The following RPS6KC1 variants were observed in gnomAD, a reference collection of about 807,000 sequenced individuals.
RPS6KC1 encodes ribosomal protein S6 kinase C1, also known as inactive ribosomal protein S6 kinase delta-1.
Under a neutral mutation model 103.8 loss-of-function variants are expected in RPS6KC1, and 54 were observed. The observed-to-expected ratio is 0.52, with a 90% CI of 0.42 to 0.65. RPS6KC1 has a LOEUF of 0.65. Among genes scored for constraint, RPS6KC1 ranks in the 30% least tolerant of loss-of-function variants. The pLI is 0.00. For synonymous variants in RPS6KC1, 439 were observed against 438.7 expected, an observed-to-expected ratio of 1.00 and a Z score of -0.01; for missense variants, 1,151 against 1,253.8, an observed-to-expected ratio of 0.92 and a Z score of 1.24.
chr1:213,067,946 CTAAGAAA>C (rs1052594102), intron 1 of RPS6KC1, among the ~76,000 whole-genome samples: 12 of 152,028 alleles, frequency 7.9e-5, no homozygotes, highest in Admixed American at 7.2e-4. Flanking sequence ...GTACACCAAA[CTAAGAAA>C]TAAGTTATTC....
the RPS6KC1 span, among the ~76,000 whole-genome samples, chr1:213,302,405 T>C: frequency 1.3e-5 from 2 of 152,082 alleles, no homozygotes; most frequent in African/African-American, 4.8e-5. Context: ...CTCACACCCA[T>C]AATCGCAACA....
the RPS6KC1 span, among the ~76,000 whole-genome samples, chr1:213,666,574 A>G: frequency 6.6e-6 from 1 of 152,372 alleles, no homozygotes; most frequent in African/African-American, 2.4e-5. Flanking sequence ...TATAAAAACT[A>G]GTTTTTCTGT....
At chr1:213,243,024 C>A (rs114998235) in intron 12 of RPS6KC1, among the ~76,000 whole-genome samples, 1 of 151,852 alleles carries the variant, frequency 6.6e-6, no homozygotes. Flanking sequence ...TGAGACATAC[C>A]TCACTCTGTC....
At chr1:213,307,379 T>C in the RPS6KC1 span, among the ~76,000 whole-genome samples, 1 of 152,116 alleles carries the variant, frequency 6.6e-6, no homozygotes, top group Admixed American at 6.6e-5. Flanking sequence ...GGTTTTCCTC[T>C]TGTCAGGATG....
chr1:213,757,577 T>C, the RPS6KC1 span, among the ~76,000 whole-genome samples: 1 of 152,234 alleles, frequency 6.6e-6, no homozygotes. Flanking sequence ...GCTGTCTCCA[T>C]AATATAAAAA....
the RPS6KC1 span, among the ~76,000 whole-genome samples, chr1:213,616,003 C>A: frequency 6.6e-6 from 1 of 152,198 alleles, no homozygotes; most frequent in African/African-American, 2.4e-5. Context: ...TGGGCAAAAC[C>A]CCTCATGGGG....
chr1:213,305,811 C>CT, the RPS6KC1 span, among the ~76,000 whole-genome samples: 1 of 152,198 alleles, frequency 6.6e-6, no homozygotes, highest in East Asian at 1.9e-4. Flanking sequence ...ATGTGCCGTG[C>CT]CCTCTCCATT....
chr1:213,130,425 T>C (rs371924472), intron 6 of RPS6KC1, among the ~76,000 whole-genome samples: 1 of 152,206 alleles, frequency 6.6e-6, no homozygotes, highest in East Asian at 1.9e-4. Context: ...TTTTTTGAAG[T>C]ATCAGCTATT....
At chr1:213,405,225 C>T in the RPS6KC1 span, among the ~76,000 whole-genome samples, 452 of 152,324 alleles carry the variant, frequency 3.0e-3, 4 homozygotes, top group African/African-American at 9.6e-3. Flanking sequence ...ACCTCAGGCC[C>T]GGTTGATAGG....
the RPS6KC1 span, among the ~76,000 whole-genome samples, chr1:213,835,157 T>C: frequency 6.6e-6 from 1 of 152,134 alleles, no homozygotes; most frequent in Non-Finnish European, 1.5e-5. Context: ...CATGGAAGCA[T>C]CTGGAGCAGG....
chr1:213,676,114 T>A, the RPS6KC1 span, among the ~76,000 whole-genome samples: 2 of 152,192 alleles, frequency 1.3e-5, no homozygotes, highest in African/African-American at 4.8e-5. Flanking sequence ...TCTGGGTTTC[T>A]ATACCTTTAC....
chr1:213,530,032 T>TTTA, the RPS6KC1 span, among the ~76,000 whole-genome samples: 3,914 of 149,072 alleles, frequency 0.026, 145 homozygotes, highest in African/African-American at 0.08. Flanking sequence ...CTTCACTTCT[T>TTTA]TTATTATTAT....
chr1:213,078,790 A>G (rs533515673), intron 3 of RPS6KC1, among the ~76,000 whole-genome samples: 1 of 152,336 alleles, frequency 6.6e-6, no homozygotes, highest in South Asian at 2.1e-4. Flanking sequence ...TTTTCAAACT[A>G]GACAATTTTT....
chr1:213,782,490 G>A, the RPS6KC1 span, among the ~76,000 whole-genome samples: 1 of 152,052 alleles, frequency 6.6e-6, no homozygotes, highest in South Asian at 2.1e-4. Context: ...AAAAGGCTTA[G>A]AAAATGAGAA....
the RPS6KC1 span, among the ~76,000 whole-genome samples, chr1:213,811,049 G>C: frequency 6.6e-6 from 1 of 152,082 alleles, no homozygotes; most frequent in South Asian, 2.1e-4. Flanking sequence ...CCCCATGCCT[G>C]ATCTTCCCAG....
the RPS6KC1 span, among the ~76,000 whole-genome samples, chr1:213,642,083 T>TAAG: frequency 6.6e-6 from 1 of 152,104 alleles, no homozygotes; most frequent in Non-Finnish European, 1.5e-5. Context: ...CCCTGACTCC[T>TAAG]TGGGTGAAGA....
At chr1:213,696,717 T>C in the RPS6KC1 span, among the ~76,000 whole-genome samples, 1 of 152,136 alleles carries the variant, frequency 6.6e-6, no homozygotes, top group Admixed American at 6.5e-5. Context: ...AATTAATCAG[T>C]TGAAGGATAG....
intron 8 of RPS6KC1, among the ~76,000 whole-genome samples, chr1:213,187,045 C>T (rs2092561570): frequency 6.6e-6 from 1 of 151,934 alleles, no homozygotes; most frequent in Admixed American, 6.6e-5. Context: ...TAACTGGGAC[C>T]ACAGGCTTGT....
the RPS6KC1 span, among the ~76,000 whole-genome samples, chr1:213,627,928 T>C: frequency 6.6e-6 from 1 of 152,184 alleles, no homozygotes; most frequent in Non-Finnish European, 1.5e-5. Flanking sequence ...CAGGATAATG[T>C]TGGCCTCATA....
Sources: allele counts gnomAD v4.1 joint callset (sites outside exome capture counted in the v4.1 genomes callset), GRCh38; gene constraint gnomAD v4.1.1; transcripts MANE v1.5; gene names NCBI Gene and HGNC (gene_info 2026-07-23, HGNC 2026-07-21).